Variants in SGCD observed in about 807,000 individuals in gnomAD.
The protein encoded by SGCD is sarcoglycan delta.
A neutral mutation model predicts 36.6 loss-of-function variants in SGCD; 18 were observed. The observed-to-expected ratio is 0.49, with a 90% CI of 0.34 to 0.73. SGCD has a LOEUF of 0.73. Among genes scored for constraint, SGCD ranks in the 30% least tolerant of loss-of-function variants. The pLI is 0.01. For synonymous variants in SGCD, 133 were observed against 130.6 expected (o/e 1.02, Z -0.12); for missense variants, 387 against 346.7 (o/e 1.12, Z -0.92).
At chr5:155,816,612 A>C in the SGCD span, among the ~76,000 whole-genome samples, 1 of 152,166 alleles carries the variant, frequency 6.6e-6, no homozygotes, top group African/African-American at 2.4e-5. Context: ...AACTGTAATT[A>C]GTTTTGGGTA....
At chr5:155,776,254 G>A in the SGCD span, among the ~76,000 whole-genome samples, 2 of 152,096 alleles carry the variant, frequency 1.3e-5, no homozygotes, top group Non-Finnish European at 2.9e-5. Flanking sequence ...TCCTTAGGGG[G>A]ACTCAGTCTG....
intron 1 of SGCD, among the ~76,000 whole-genome samples, chr5:156,026,137 A>C (rs1017998323): frequency 6.6e-6 from 1 of 152,212 alleles, no homozygotes; most frequent in African/African-American, 2.4e-5. Context: ...GGAAGATAGA[A>C]ATATGCAACT....
rs188230280 is a variant in SGCD at position 155,879,868 on chromosome 5, G to A, written c.-282+9444G>A. Among the ~76,000 whole-genome samples, 5 of 152,208 alleles carry A rather than the reference G, an allele frequency of 3.3e-5. No homozygotes were observed. The East Asian group carries it at 9.6e-4, about 29-fold the overall frequency. ...AACTTGGCTTGCCTCCATTGTTGTA[G>A]GCATGGTGTAGTTTGATTTAATTTA... On this transcript the variant is annotated intron_variant, in intron 1 of 9. Transcript: ENST00000517913.
chr5:155,792,062 A>G, the SGCD span, among the ~76,000 whole-genome samples: 1 of 152,158 alleles, frequency 6.6e-6, no homozygotes, highest in African/African-American at 2.4e-5. Flanking sequence ...AACCAGATCC[A>G]TAAACCAATG....
chr5:155,965,285 T>G (rs1021191242), intron 1 of SGCD, among the ~76,000 whole-genome samples: 17 of 152,116 alleles, frequency 1.1e-4, no homozygotes, highest in Non-Finnish European at 2.4e-4. Context: ...GTCTTAAAGC[T>G]GCCTCCTCTG....
the SGCD span, among the ~76,000 whole-genome samples, chr5:155,789,753 C>T: frequency 6.6e-6 from 1 of 151,988 alleles, no homozygotes; most frequent in African/African-American, 2.4e-5. Context: ...CTTACAATGA[C>T]CTCACAAAGT....
At chr5:155,876,111 C>T (rs1007382655) in intron 1 of SGCD, among the ~76,000 whole-genome samples, 1 of 150,652 alleles carries the variant, frequency 6.6e-6, no homozygotes, top group Non-Finnish European at 1.5e-5. Flanking sequence ...AGGTTAGTTA[C>T]ATATGTATAC....
chr5:156,123,109 G>T (rs547128598), intron 2 of SGCD, among the ~76,000 whole-genome samples: 1 of 152,210 alleles, frequency 6.6e-6, no homozygotes, highest in Non-Finnish European at 1.5e-5. Context: ...ACTAAGTCAT[G>T]ACCTCAGTTG....
At chr5:156,093,735 A>G (rs547441929) in intron 1 of SGCD, among the ~76,000 whole-genome samples, 2 of 152,336 alleles carry the variant, frequency 1.3e-5, no homozygotes, top group African/African-American at 4.8e-5. Context: ...TGCCTTCTCC[A>G]TTACTAGTCT....
At chr5:156,725,846 GA>G (rs969271290) in intron 7 of SGCD, among the ~76,000 whole-genome samples, 1 of 151,932 alleles carries the variant, frequency 6.6e-6, no homozygotes, top group Non-Finnish European at 1.5e-5. Context: ...CATCTTTGAA[GA>G]AAAAAACAAA....
At chr5:156,362,147 C>T (rs1769829470) in intron 3 of SGCD, among the ~76,000 whole-genome samples, 1 of 152,138 alleles carries the variant, frequency 6.6e-6, no homozygotes, top group African/African-American at 2.4e-5. Flanking sequence ...AAGTAGGAGC[C>T]AATGAAGAAG....
intron 4 of SGCD, among the ~76,000 whole-genome samples, chr5:156,583,589 C>T (rs1415053738): frequency 6.6e-6 from 1 of 152,214 alleles, no homozygotes; most frequent in Non-Finnish European, 1.5e-5. Flanking sequence ...GTTTAGTTCA[C>T]ACCTTCTCCT....
At chr5:156,271,902 A>T (rs1766191787) in intron 3 of SGCD, among the ~76,000 whole-genome samples, 1 of 152,214 alleles carries the variant, frequency 6.6e-6, no homozygotes, top group South Asian at 2.1e-4. Flanking sequence ...GCAATTTCTG[A>T]CTTAAAATTT....
intron 1 of SGCD, among the ~76,000 whole-genome samples, chr5:155,987,192 T>C (rs1758349665): frequency 6.6e-6 from 1 of 152,190 alleles, no homozygotes; most frequent in Non-Finnish European, 1.5e-5. Context: ...GAACTTGCAT[T>C]AATTAATACA....
At chr5:155,836,784 T>C in the SGCD span, among the ~76,000 whole-genome samples, 1 of 152,144 alleles carries the variant, frequency 6.6e-6, no homozygotes, top group African/African-American at 2.4e-5. Context: ...AAAAACAAAA[T>C]GTTTGCAAGT....
intron 1 of SGCD, among the ~76,000 whole-genome samples, chr5:155,873,003 C>T (rs1755686297): frequency 6.6e-6 from 1 of 152,190 alleles, no homozygotes; most frequent in South Asian, 2.1e-4. Context: ...GGCAGATCTC[C>T]AAGAACTTGC....
chr5:156,671,539 G>A (rs1225468116), intron 7 of SGCD, among the ~76,000 whole-genome samples: 1 of 152,106 alleles, frequency 6.6e-6, no homozygotes, highest in Non-Finnish European at 1.5e-5. Context: ...CTCCCAAAGT[G>A]CTGGGATTAC....
chr5:156,247,392 G>A (rs1317038255), intron 3 of SGCD, among the ~76,000 whole-genome samples: 1 of 152,124 alleles, frequency 6.6e-6, no homozygotes, highest in Non-Finnish European at 1.5e-5. Context: ...TACAGTCCAT[G>A]TTCATTCAAT....
intron 6 of SGCD, among the ~76,000 whole-genome samples, chr5:156,635,477 T>C (rs988652250): frequency 3.3e-5 from 5 of 152,146 alleles, no homozygotes; most frequent in Admixed American, 1.3e-4. Flanking sequence ...GTCAGTGTGG[T>C]GATTCCTCAG....
Sources: gnomAD v4.1 joint callset for allele counts (sites outside exome capture counted in the v4.1 genomes callset) on GRCh38, gnomAD v4.1.1 for gene constraint, MANE v1.5 for transcripts, NCBI Gene and HGNC (gene_info 2026-07-23, HGNC 2026-07-21) for gene names.